The following TUSC3 variants were observed in gnomAD, a reference collection of about 807,000 sequenced individuals.
The protein encoded by TUSC3 is dolichyl-diphosphooligosaccharide--protein glycosyltransferase subunit TUSC3.
A neutral mutation model predicts 44.8 loss-of-function variants in TUSC3; 45 were observed. The ratio of observed to expected loss-of-function variants is 1.00; its 90% CI spans 0.79 to 1.29. The LOEUF is 1.29. Among genes scored for constraint, TUSC3 ranks in the 50% most tolerant of loss-of-function variants. The pLI is 0.00. For missense variants in TUSC3, 519 were observed against 437.9 expected (o/e 1.19, Z -1.65); for synonymous variants, 212 against 152.9 (o/e 1.39, Z -2.85).
At chr8:15,437,768 G>T (rs1397714697) in intron 1 of TUSC3, among the ~76,000 whole-genome samples, 7 of 152,128 alleles carry the variant, frequency 4.6e-5, no homozygotes, top group African/African-American at 1.7e-4. Context: ...TGGAAACCAG[G>T]ATCTATACCT....
the TUSC3 span, among the ~76,000 whole-genome samples, chr8:15,780,207 G>C: frequency 4.1e-4 from 62 of 152,212 alleles, no homozygotes; most frequent in African/African-American, 1.5e-3. Flanking sequence ...TGATGAACTG[G>C]GCAACTAAGA....
At chr8:15,831,719 A>C in the TUSC3 span, among the ~76,000 whole-genome samples, 1 of 152,208 alleles carries the variant, frequency 6.6e-6, no homozygotes, top group Non-Finnish European at 1.5e-5. Context: ...TTCTGAAATA[A>C]GACAGTCAGA....
At chr8:15,587,764 C>T (rs556958473) in intron 1 of TUSC3, among the ~76,000 whole-genome samples, 19 of 152,092 alleles carry the variant, frequency 1.2e-4, no homozygotes, top group Admixed American at 3.9e-4. Context: ...CATAATTCTA[C>T]TCTCTACTAG....
At chr8:15,575,611 A>G (rs940640634) in intron 1 of TUSC3, among the ~76,000 whole-genome samples, 10 of 152,038 alleles carry the variant, frequency 6.6e-5, no homozygotes, top group Non-Finnish European at 5.9e-5. Flanking sequence ...TATTTAAAAT[A>G]AAAAAATTAA....
intron 1 of TUSC3, among the ~76,000 whole-genome samples, chr8:15,581,958 G>A (rs965259596): frequency 2.0e-5 from 3 of 150,708 alleles, no homozygotes; most frequent in South Asian, 2.1e-4. Flanking sequence ...AGCAGTCAGC[G>A]AGATTCCGTG....
rs71211051 is a variant in TUSC3 at position 15,523,708 on chromosome 8, G to GTA, written n.189+40242_189+40243dup. 6.2e-3 allele frequency among the ~76,000 whole-genome samples: 699 copies of GTA among 112,434 alleles called. 41 individuals are homozygous for GTA. The highest frequency in any genetic ancestry group is 0.012 in the South Asian group (37 of 3,090). 73.8% of individuals were successfully genotyped at this position (112,434 alleles called of 152,430 possible). Reference sequence around the variant, plus strand: ...TGTGTGTGTGTGTGTGTGTGTGTGTGTATATATATATATATATAAAGTAGT... The same window carrying GTA: ...TGTGTGTGTGTGTGTGTGTGTGTGTGTATATATATATATATATATAAAGTAGT... On this transcript the variant is annotated intron_variant and non_coding_transcript_variant, in intron 2 of 5. Transcript: ENST00000503191.
At chr8:15,603,788 T>G (rs1236468282) in intron 1 of TUSC3, among the ~76,000 whole-genome samples, 1 of 52,460 alleles carries the variant, frequency 1.9e-5, no homozygotes, top group Admixed American at 1.8e-4. Context: ...GCTAATTCTA[T>G]TTTTTTTTTG....
At chr8:15,799,245 A>G in the TUSC3 span, among the ~76,000 whole-genome samples, 1 of 152,194 alleles carries the variant, frequency 6.6e-6, no homozygotes, top group African/African-American at 2.4e-5. Flanking sequence ...ATTCCTCCTT[A>G]GCACATGTCT....
chr8:15,500,917 A>G (rs970213443), intron 2 of TUSC3, among the ~76,000 whole-genome samples: 2 of 152,196 alleles, frequency 1.3e-5, no homozygotes, highest in African/African-American at 4.8e-5. Flanking sequence ...ACCAAACATA[A>G]TAACTTTAAA....
At chr8:15,479,500 A>T (rs933633343) in intron 1 of TUSC3, among the ~76,000 whole-genome samples, 1 of 152,142 alleles carries the variant, frequency 6.6e-6, no homozygotes, top group Non-Finnish European at 1.5e-5. Flanking sequence ...TTTTCTGTAT[A>T]TGGCTAGCCA....
At chr8:15,719,792 GT>G (rs1810225009) in intron 6 of TUSC3, among the ~76,000 whole-genome samples, 1 of 152,030 alleles carries the variant, frequency 6.6e-6, no homozygotes, top group African/African-American at 2.4e-5. Context: ...TGCGCCATAT[GT>G]TGCCTAAATA....
chr8:15,431,719 A>G (rs564359787), intron 1 of TUSC3, among the ~76,000 whole-genome samples: 1 of 151,720 alleles, frequency 6.6e-6, no homozygotes, highest in Non-Finnish European at 1.5e-5. Context: ...AACTGGTAAG[A>G]CTGGGCAACT....
chr8:15,541,490 G>T (rs1438746526), intron 1 of TUSC3, among the ~76,000 whole-genome samples: 1 of 152,200 alleles, frequency 6.6e-6, no homozygotes, highest in South Asian at 2.1e-4. Flanking sequence ...TCTGAATTGG[G>T]TTTAAGATAT....
chr8:15,795,654 G>A, the TUSC3 span, among the ~76,000 whole-genome samples: 3 of 152,182 alleles, frequency 2.0e-5, no homozygotes, highest in East Asian at 1.9e-4. Context: ...CAGTTCTCAC[G>A]AGGACACAGA....
chr8:15,474,763 TAGC>T (rs1800551760), intron 1 of TUSC3, among the ~76,000 whole-genome samples: 1 of 152,120 alleles, frequency 6.6e-6, no homozygotes. Flanking sequence ...ATAAGTGAAA[TAGC>T]CAGGAAATAT....
chr8:15,801,232 G>A, the TUSC3 span, among the ~76,000 whole-genome samples: 7 of 152,124 alleles, frequency 4.6e-5, no homozygotes, highest in Non-Finnish European at 1.0e-4. Flanking sequence ...GACCATATAC[G>A]GTAATTTCCT....
In TUSC3 at chr8:15,445,942, G is replaced by A. The variant is rs567485433; in HGVS notation, n.91+28637G>A. Among the ~76,000 whole-genome samples, 713 of 150,580 alleles carry A rather than the reference G, an allele frequency of 4.7e-3. 4 individuals carry two copies. Among genetic ancestry groups the A allele is most frequent in the Non-Finnish European group, 7.5e-3 (507 of 67,530 alleles). On this transcript the variant is annotated intron_variant and non_coding_transcript_variant, in intron 1 of 5. Transcript: ENST00000503191. ...CACCTTCCGGACGGGGCGGCTGGCC[G>A]GACGGGGGCTGCCCCCCACCTCGCG... is the stretch of plus-strand genomic sequence containing the variant.
At chr8:15,692,109 T>A (rs940654703) in intron 6 of TUSC3, among the ~76,000 whole-genome samples, 1 of 152,164 alleles carries the variant, frequency 6.6e-6, no homozygotes, top group African/African-American at 2.4e-5. Flanking sequence ...AGTTCTGTTA[T>A]GTTGTGCATC....
intron 1 of TUSC3, among the ~76,000 whole-genome samples, chr8:15,618,841 G>T (rs1326252478): frequency 6.6e-6 from 1 of 152,188 alleles, no homozygotes; most frequent in African/African-American, 2.4e-5. Flanking sequence ...ACGGTGTGCT[G>T]CAGTGTTACC....
Sources: allele counts gnomAD v4.1 joint callset (sites outside exome capture counted in the v4.1 genomes callset), GRCh38; gene constraint gnomAD v4.1.1; transcripts MANE v1.5; gene names NCBI Gene and HGNC (gene_info 2026-07-23, HGNC 2026-07-21).